THRB: variants seen among roughly 807,000 people sequenced by gnomAD.
THRB encodes the protein nuclear receptor subfamily 1 group A member 2.
Under a neutral mutation model 47.8 loss-of-function variants are expected in THRB, and 12 were observed. The ratio of observed to expected loss-of-function variants is 0.25; its 90% CI spans 0.16 to 0.41. The LOEUF is 0.41. THRB is among the 10% of genes least tolerant of loss of function. THRB has a pLI of 1.00. For missense variants in THRB, 348 were observed against 589.2 expected, an observed-to-expected ratio of 0.59 and a Z score of 4.24; for synonymous variants, 218 against 212.2, an observed-to-expected ratio of 1.03 and a Z score of -0.24.
chr3:24,442,412 G>T (rs540426576), intron 1 of THRB, among the ~76,000 whole-genome samples: 7 of 152,128 alleles, frequency 4.6e-5, no homozygotes, highest in Non-Finnish European at 1.0e-4. Context: ...GCAACAGTTC[G>T]CAGTCTTGGA....
intron 1 of THRB, among the ~76,000 whole-genome samples, chr3:24,374,813 G>A (rs1003620608): frequency 6.6e-6 from 1 of 152,038 alleles, no homozygotes; most frequent in Admixed American, 6.6e-5. Context: ...GCTAATAAAT[G>A]CAACACATTG....
intron 1 of THRB, among the ~76,000 whole-genome samples, chr3:24,401,004 AGACAT>A (rs2067351724): frequency 6.6e-6 from 1 of 152,082 alleles, no homozygotes; most frequent in Non-Finnish European, 1.5e-5. Context: ...AATGGTGCAG[AGACAT>A]GAATAACCCA....
chr3:24,231,281 C>A (rs1324318897), intron 3 of THRB, among the ~76,000 whole-genome samples: 1 of 152,078 alleles, frequency 6.6e-6, no homozygotes, highest in Non-Finnish European at 1.5e-5. Flanking sequence ...CAGTTATGTC[C>A]TTATGATATT....
At chr3:24,136,075 G>A (rs2034633760) in intron 8 of THRB, among the ~76,000 whole-genome samples, 1 of 151,720 alleles carries the variant, frequency 6.6e-6, no homozygotes, top group African/African-American at 2.4e-5. Flanking sequence ...CATTCAATTT[G>A]TGGGTGTGTA....
intron 3 of THRB, among the ~76,000 whole-genome samples, chr3:24,282,712 A>C (rs1265377303): frequency 1.3e-5 from 2 of 149,450 alleles, no homozygotes; most frequent in Non-Finnish European, 2.9e-5. Flanking sequence ...AAAAAAAGAG[A>C]GAACAATCAA....
chr3:24,304,444 A>G (rs955130337), intron 2 of THRB, among the ~76,000 whole-genome samples: 2 of 152,108 alleles, frequency 1.3e-5, no homozygotes, highest in South Asian at 4.1e-4. Flanking sequence ...AAGATTCATG[A>G]GAAAAGCAAA....
At chr3:24,325,220 G>C (rs1236800563) in intron 2 of THRB, among the ~76,000 whole-genome samples, 1 of 152,174 alleles carries the variant, frequency 6.6e-6, no homozygotes, top group Non-Finnish European at 1.5e-5. Context: ...ATTACTACAT[G>C]GTGGTCCCTA....
intron 1 of THRB, among the ~76,000 whole-genome samples, chr3:24,392,325 C>A (rs1013150491): frequency 6.6e-6 from 1 of 151,964 alleles, no homozygotes; most frequent in African/African-American, 2.4e-5. Context: ...GTGTAATAAT[C>A]AAGTTGGGGT....
chr3:24,400,452 C>CAAGG (rs1395014026), intron 1 of THRB, among the ~76,000 whole-genome samples: 3 of 151,920 alleles, frequency 2.0e-5, no homozygotes, highest in African/African-American at 7.3e-5. Flanking sequence ...ATATCTGTTG[C>CAAGG]AAGGACACAG....
At chr3:24,208,789 GC>G (rs955820127) in intron 4 of THRB, among the ~76,000 whole-genome samples, 17 of 152,274 alleles carry the variant, frequency 1.1e-4, no homozygotes, top group Admixed American at 4.6e-4. Context: ...ATAGGCATGG[GC>G]AAGGACTTCA....
At chr3:24,478,949 TA>T (rs1292246938) in intron 1 of THRB, among the ~76,000 whole-genome samples, 2 of 151,932 alleles carry the variant, frequency 1.3e-5, no homozygotes, top group Non-Finnish European at 1.5e-5. Flanking sequence ...TGGCAGGGGA[TA>T]GGGGGAGCAG....
Position 24,481,771 on chromosome 3 carries a change from G to A in THRB, c.-261+12881C>T, listed in dbSNP as rs114993629. On this transcript the variant is annotated intron_variant, in intron 1 of 10. Coordinates refer to ENST00000646209, the MANE Select transcript of THRB (RefSeq NM_001354712.2). ...TTGAATAAAGGATATTGGGAAGTCA[G>A]ACTGAAACATAAGTGGGGGAAAATA... Among the ~76,000 whole-genome samples the A allele has an allele frequency of 6.8e-3, 1,019 of 150,030 alleles. 9 individuals carry two copies. Among genetic ancestry groups the A allele is most frequent in the African/African-American group, 0.023 (950 of 40,670 alleles).
intron 1 of THRB, among the ~76,000 whole-genome samples, chr3:24,359,346 T>C (rs768031068): frequency 6.6e-6 from 1 of 152,064 alleles, no homozygotes; most frequent in African/African-American, 2.4e-5. Context: ...TTCAGGGTAG[T>C]TGGAATTTTT....
At chr3:24,264,392 TTG>T (rs1228421040) in intron 3 of THRB, among the ~76,000 whole-genome samples, 1 of 149,970 alleles carries the variant, frequency 6.7e-6, no homozygotes, top group African/African-American at 2.5e-5. Context: ...CTTAAATTTT[TTG>T]TTTGTTTGTT....
chr3:24,134,495 A>G (rs2148905982), intron 8 of THRB, among the ~76,000 whole-genome samples: 1 of 152,238 alleles, frequency 6.6e-6, no homozygotes, highest in East Asian at 1.9e-4. Flanking sequence ...TCAAATCCTG[A>G]TTCGCAGGTG....
At chr3:24,470,944 T>A (rs1204510350) in intron 1 of THRB, among the ~76,000 whole-genome samples, 1 of 152,216 alleles carries the variant, frequency 6.6e-6, no homozygotes. Flanking sequence ...CACTTCAACA[T>A]GTCAATCTAT....
At chr3:24,405,907 T>A (rs1433341373) in intron 1 of THRB, among the ~76,000 whole-genome samples, 5 of 151,594 alleles carry the variant, frequency 3.3e-5, no homozygotes, top group African/African-American at 1.2e-4. Context: ...CCAAATTATT[T>A]TATATATATT....
At chr3:24,272,804 T>C (rs1559792621) in intron 3 of THRB, among the ~76,000 whole-genome samples, 1 of 152,204 alleles carries the variant, frequency 6.6e-6, no homozygotes, top group Non-Finnish European at 1.5e-5. Flanking sequence ...AATTTCCTTT[T>C]CAAACTTCAA....
At chr3:24,424,422 T>G (rs530217231) in intron 1 of THRB, among the ~76,000 whole-genome samples, 3 of 152,118 alleles carry the variant, frequency 2.0e-5, no homozygotes, top group Admixed American at 2.0e-4. Flanking sequence ...GCAGTGGTTC[T>G]CAAAGTGGGG....
Sources: gnomAD v4.1 joint callset for allele counts (sites outside exome capture counted in the v4.1 genomes callset) on GRCh38, gnomAD v4.1.1 for gene constraint, MANE v1.5 for transcripts, NCBI Gene and HGNC (gene_info 2026-07-23, HGNC 2026-07-21) for gene names.